The following GK variants were observed in gnomAD, a reference collection of about 807,000 sequenced individuals.
The protein encoded by GK is ATP:glycerol 3-phosphotransferase.
Under a neutral mutation model 56.4 loss-of-function variants are expected in GK, and 9 were observed. The ratio of observed to expected loss-of-function variants is 0.16; its 90% confidence interval spans 0.10 to 0.28. The LOEUF (loss-of-function observed/expected upper bound fraction) is 0.28, where lower values mean the gene tolerates loss of function less well. Among genes scored for constraint, GK ranks in the 10% least tolerant of loss-of-function variants. The pLI is 1.00. For missense variants in GK, 161 were observed against 431.4 expected, an observed-to-expected ratio of 0.37 and a Z score of 5.55; for synonymous variants, 104 against 144.1, an observed-to-expected ratio of 0.72 and a Z score of 1.99.
rs750297271 is a variant in GK at position 30,720,102 on chromosome X, A to G, written c.1236+7A>G. 18 of 1,097,672 alleles carry G rather than the reference A, an allele frequency of 1.6e-5. No individual in the cohort carries two copies. The highest frequency in any genetic ancestry group is 2.2e-5 in the Admixed American group (1 of 45,927). The allele number at this position is 1,097,672 out of a possible 1,213,427, so 90.5% of individuals were successfully genotyped here. ...TTGTTTCCAAACTCGAGAGGTAACAAATATGGGCCTGTTTTCTTGTACTTA... is the reference window on the plus strand; with the variant it reads ...TTGTTTCCAAACTCGAGAGGTAACAGATATGGGCCTGTTTTCTTGTACTTA... On this transcript the variant is annotated splice_region_variant and intron_variant, in intron 16 of 20. Coordinates refer to ENST00000427190, the MANE Select transcript of GK (RefSeq NM_001205019.2).
intron 4 of GK, among the ~76,000 whole-genome samples, chrX:30,678,852 A>ATTTTTTTTTTTTTTTT (rs58342528): frequency 1.3e-5 from 1 of 77,213 alleles, no homozygotes; most frequent in Non-Finnish European, 2.5e-5. Context: ...ATGCCCAGCT[A>ATTTTTTTTTTTTTTTT]TTTTTTTTTT....
intron 1 of GK, among the ~76,000 whole-genome samples, chrX:30,654,003 A>G (rs1401626812): frequency 8.9e-6 from 1 of 112,566 alleles, no homozygotes; most frequent in Non-Finnish European, 1.9e-5. Context: ...TGCGAGACAC[A>G]GGACGTCCTT....
At chrX:30,727,390 T>A (rs1937179140) in intron 19 of GK, 76 bp from the exon 20 acceptor site, 3 of 608,022 alleles carry the variant, frequency 4.9e-6, no homozygotes. Flanking sequence ...TTGTGATTCT[T>A]AACACAAATA....
At chrX:30,705,514 G>A (rs760682693) in intron 11 of GK, among the ~76,000 whole-genome samples, 11 of 112,323 alleles carry the variant, frequency 9.8e-5, no homozygotes, top group Admixed American at 3.8e-4. Context: ...CGCCATCTTC[G>A]TCACACCTCT....
chrX:30,671,055 C>T (rs1411903225), intron 3 of GK, among the ~76,000 whole-genome samples: 1 of 105,628 alleles, frequency 9.5e-6, no homozygotes, highest in East Asian at 3.1e-4. Context: ...TTTGGGAGGT[C>T]GAGGCAGGCA....
At position 30,725,041 on chromosome X, in the gene GK, C is replaced by T. The variant is rs768433574; in HGVS notation, c.1582+860C>T. ...GATTACAGGCGCCCACCACCATGCC[C>T]AGCTAATTTTTTTGTATTTTTAGGA... is the stretch of plus-strand genomic sequence containing the variant. On this transcript the variant is annotated intron_variant, in intron 19 of 20. Transcript: ENST00000427190. Among the ~76,000 whole-genome samples the T allele has an allele frequency of 1.1e-4, 12 of 110,388 alleles. No homozygotes were observed. In the South Asian group the frequency reaches 3.5e-3, roughly 32 times the overall value.
intron 2 of GK, among the ~76,000 whole-genome samples, chrX:30,666,792 A>C: frequency 8.9e-6 from 1 of 112,267 alleles, no homozygotes; most frequent in African/African-American, 3.2e-5. Flanking sequence ...TGCAATTTGT[A>C]AAGAAGATAC....
At chrX:30,677,744 G>T (rs1394784836) in intron 4 of GK, among the ~76,000 whole-genome samples, 1 of 105,080 alleles carries the variant, frequency 9.5e-6, no homozygotes, top group Non-Finnish European at 1.9e-5. Context: ...AGAATTGATT[G>T]AACCTGGGAG....
chrX:30,660,122 T>C (rs1321354469), intron 1 of GK, among the ~76,000 whole-genome samples: 2 of 111,482 alleles, frequency 1.8e-5, no homozygotes, highest in East Asian at 5.6e-4. Flanking sequence ...AATCTGGAAT[T>C]GAGTCATAGT....
At chrX:30,675,875 C>T (rs986788169) in intron 3 of GK, among the ~76,000 whole-genome samples, 5 of 110,588 alleles carry the variant, frequency 4.5e-5, no homozygotes, top group Non-Finnish European at 9.5e-5. Context: ...CTGCAACCTC[C>T]GCCTCCTGGG....
At position 30,692,496 on chromosome X, in the gene GK, C is replaced by T. The variant is rs1055519103; in HGVS notation, c.414+1297C>T. Among the ~76,000 whole-genome samples the T allele has an allele frequency of 3.7e-5, 4 of 107,075 alleles. No homozygotes were observed. The South Asian group carries it at 1.2e-3, about 32-fold the overall frequency. The allele number at this position is 107,075 out of a possible 115,157, so 93.0% of individuals were successfully genotyped here. Reference sequence around the variant, plus strand: ...AAATATCTCCTTCCATTTTTTTTTTCGAGACAGGGTCTCACTCTGTTGCCC... The same window carrying T: ...AAATATCTCCTTCCATTTTTTTTTTTGAGACAGGGTCTCACTCTGTTGCCC... On this transcript the variant is annotated intron_variant, in intron 5 of 20. Transcript: ENST00000427190.
At chrX:30,690,150 G>T (rs1291282456) in intron 4 of GK, among the ~76,000 whole-genome samples, 1 of 112,083 alleles carries the variant, frequency 8.9e-6, no homozygotes, top group African/African-American at 3.2e-5. Context: ...ACTGCACAAT[G>T]ATTGCTAGCA....
chrX:30,677,966 A>C, intron 4 of GK: 1 of 544,772 alleles, frequency 1.8e-6, no homozygotes, highest in Non-Finnish European at 3.4e-6. Flanking sequence ...ATAGTGAATT[A>C]ACTCTCCCAT....
chrX:30,662,904 C>T (rs932896766), intron 1 of GK, among the ~76,000 whole-genome samples: 1 of 86,942 alleles, frequency 1.2e-5, no homozygotes, highest in Admixed American at 1.5e-4. Flanking sequence ...TTCTTTCTTT[C>T]GTAGTTTCGC....
chrX:30,705,873 CT>C (rs1935974982), intron 11 of GK, among the ~76,000 whole-genome samples: 1 of 111,734 alleles, frequency 8.9e-6, no homozygotes, highest in Admixed American at 9.5e-5. Context: ...TATTAAGTAC[CT>C]TCAGTCTTCT....
intron 6 of GK, 95 bp downstream of exon 6, chrX:30,694,632 A>G (rs1245186742): frequency 1.4e-5 from 10 of 699,984 alleles, no homozygotes; most frequent in Non-Finnish European, 2.2e-5. Flanking sequence ...CAGACTTTTT[A>G]ATTAGCAGCA....
chrX:30,699,368 C>CTT (rs34129824), intron 9 of GK, among the ~76,000 whole-genome samples: 844 of 79,841 alleles, frequency 0.011, 26 homozygotes, highest in Non-Finnish European at 0.014. Context: ...TACACACACA[C>CTT]TTTTTTTTTT....
intron 4 of GK, among the ~76,000 whole-genome samples, chrX:30,679,767 G>C (rs942452011): frequency 1.8e-5 from 2 of 111,596 alleles, no homozygotes; most frequent in Non-Finnish European, 3.8e-5. Flanking sequence ...CCACATACAT[G>C]TTTTGAGAAC....
At chrX:30,722,683 C>A in intron 18 of GK, among the ~76,000 whole-genome samples, 1 of 112,152 alleles carries the variant, frequency 8.9e-6, no homozygotes, top group Non-Finnish European at 1.9e-5. Flanking sequence ...AAGGCCTTAT[C>A]TTCTTATCTT....
Sources: allele counts gnomAD v4.1 joint callset (sites outside exome capture counted in the v4.1 genomes callset), GRCh38; gene constraint gnomAD v4.1.1; transcripts MANE v1.5; gene names NCBI Gene and HGNC (gene_info 2026-07-23, HGNC 2026-07-21).